The following PID1 variants were observed in gnomAD, a reference collection of about 807,000 sequenced individuals.
PID1 encodes PTB-containing, cubilin and LRP1-interacting protein.
Under a neutral mutation model 19.1 loss-of-function variants are expected in PID1, and 10 were observed. The observed-to-expected ratio is 0.52, with a 90% CI of 0.32 to 0.89. The LOEUF is 0.89. PID1 is among the 40% of genes least tolerant of loss of function. The pLI is 0.03. For missense variants in PID1, 248 were observed against 285.3 expected (o/e 0.87, Z 0.94); for synonymous variants, 130 against 116.0 (o/e 1.12, Z -0.78).
intron 2 of PID1, among the ~76,000 whole-genome samples, chr2:229,113,511 T>C (rs1574639076): frequency 2.2e-5 from 3 of 135,066 alleles, no homozygotes; most frequent in African/African-American, 8.2e-5. Context: ...TGTGTATACA[T>C]ATATATATAT....
intron 1 of PID1, chr2:229,232,068 T>C: frequency 6.5e-7 from 1 of 1,530,674 alleles, no homozygotes; most frequent in Non-Finnish European, 8.8e-7. Flanking sequence ...ACGAAGCCTC[T>C]TGTACAAGGC....
At chr2:229,050,840 AAAC>A (rs1194335268) in intron 2 of PID1, among the ~76,000 whole-genome samples, 2 of 108,032 alleles carry the variant, frequency 1.9e-5, no homozygotes, top group East Asian at 3.6e-4. Flanking sequence ...AACAAAACAA[AAAC>A]AACAAGAACA....
At chr2:229,059,774 C>A (rs141424689) in intron 2 of PID1, among the ~76,000 whole-genome samples, 1 of 152,154 alleles carries the variant, frequency 6.6e-6, no homozygotes. Flanking sequence ...CCTCACCTTG[C>A]GACATCCCCC....
intron 2 of PID1, among the ~76,000 whole-genome samples, chr2:229,093,547 C>A (rs1303701827): frequency 3.3e-5 from 5 of 152,188 alleles, no homozygotes; most frequent in Admixed American, 6.5e-5. Context: ...CAGAGTTCAG[C>A]TGGGAGTCTG....
intron 2 of PID1, among the ~76,000 whole-genome samples, chr2:229,051,017 A>C (rs561905083): frequency 6.6e-6 from 1 of 152,342 alleles, no homozygotes; most frequent in East Asian, 1.9e-4. Context: ...AGGCCAGTTG[A>C]AAAGGTGATA....
chr2:229,200,074 TGAA>T, intron 1 of PID1, among the ~76,000 whole-genome samples: 1 of 151,914 alleles, frequency 6.6e-6, no homozygotes, highest in Admixed American at 6.6e-5. Context: ...TAAGAGAACT[TGAA>T]GAAGGCAATT....
At chr2:229,251,135 A>G (rs1690139406) in intron 1 of PID1, among the ~76,000 whole-genome samples, 1 of 152,212 alleles carries the variant, frequency 6.6e-6, no homozygotes, top group African/African-American at 2.4e-5. Context: ...CGACCCACAC[A>G]TAGTACTTTG....
intron 2 of PID1, among the ~76,000 whole-genome samples, chr2:229,059,819 GCA>G (rs984124276): frequency 2.0e-5 from 3 of 152,054 alleles, no homozygotes; most frequent in Non-Finnish European, 4.4e-5. Flanking sequence ...TATTTACAGA[GCA>G]CAGACCATGT....
chr2:229,074,222 G>C (rs899106949), intron 2 of PID1, among the ~76,000 whole-genome samples: 2 of 152,086 alleles, frequency 1.3e-5, no homozygotes, highest in African/African-American at 4.8e-5. Context: ...TAAGATATTT[G>C]ATTTCTGTCA....
At position 229,101,289 on chromosome 2, in the gene PID1, G is replaced by A. The variant is rs142386171; in HGVS notation, c.177+54529C>T. On this transcript the variant is annotated intron_variant, in intron 2 of 2. Coordinates refer to ENST00000392055, the MANE Select transcript of PID1 (RefSeq NM_001100818.2). ...GTGCAGGTTTGTTACATAGGTAAAC[G>A]TGTGCCATGGTGGTTTGCTGCACTT... 2.5e-3 allele frequency among the ~76,000 whole-genome samples: 374 copies of A among 152,246 alleles called. 2 individuals are homozygous for A. The highest frequency in any genetic ancestry group is 8.4e-3 in the African/African-American group (350 of 41,534).
intron 1 of PID1, among the ~76,000 whole-genome samples, chr2:229,231,038 C>T (rs1692194398): frequency 6.6e-6 from 1 of 152,064 alleles, no homozygotes; most frequent in Admixed American, 6.5e-5. Context: ...AGCCATGAAG[C>T]AACCACAGCC....
chr2:229,074,229 G>A (rs1694513074), intron 2 of PID1, among the ~76,000 whole-genome samples: 1 of 152,090 alleles, frequency 6.6e-6, no homozygotes, highest in Non-Finnish European at 1.5e-5. Context: ...TTTGATTTCT[G>A]TCAACAGATA....
At chr2:229,184,289 CAT>C (rs200793119) in intron 1 of PID1, among the ~76,000 whole-genome samples, 17,443 of 106,912 alleles carry the variant, frequency 0.16, 8,684 homozygotes, top group South Asian at 0.38. Context: ...ATATATATCC[CAT>C]ATATATATCC....
intron 1 of PID1, among the ~76,000 whole-genome samples, chr2:229,221,997 G>C (rs1297820585): frequency 6.6e-6 from 1 of 152,134 alleles, no homozygotes; most frequent in Non-Finnish European, 1.5e-5. Flanking sequence ...CTCACTTCCT[G>C]CCTAGACCAT....
rs917546008 is a variant in PID1, at chr2:229,232,016, G to A, written c.30+38998C>T. Reference sequence around the variant, plus strand: ...AGCACTTGGAAGGAAGGAATGCTGTGTCCTCACACAGTGGAAGGCTAAGGG... The same window carrying A: ...AGCACTTGGAAGGAAGGAATGCTGTATCCTCACACAGTGGAAGGCTAAGGG... On this transcript the variant is annotated intron_variant, in intron 1 of 2. Coordinates refer to ENST00000392055, the MANE Select transcript of PID1 (RefSeq NM_001100818.2). 2.2e-5 allele frequency: 34 copies of A among 1,549,998 alleles called. No homozygotes were observed. The African/African-American group carries it at 4.5e-4, about 21-fold the overall frequency.
At chr2:229,219,332 C>T (rs930551721) in intron 1 of PID1, among the ~76,000 whole-genome samples, 3 of 152,116 alleles carry the variant, frequency 2.0e-5, no homozygotes, top group African/African-American at 7.2e-5. Flanking sequence ...GGGCAGCAAA[C>T]ATGTCCTTCT....
chr2:229,213,399 A>T (rs1433229440), intron 1 of PID1, among the ~76,000 whole-genome samples: 2 of 152,196 alleles, frequency 1.3e-5, no homozygotes, highest in Middle Eastern at 3.2e-3. Flanking sequence ...TACATCACTC[A>T]TCTGCATCCA....
chr2:229,142,439 G>A (rs548202005), intron 2 of PID1, among the ~76,000 whole-genome samples: 8 of 152,144 alleles, frequency 5.3e-5, no homozygotes, highest in East Asian at 1.9e-4. Flanking sequence ...ACATTCAGTC[G>A]TAAATGGAAA....
chr2:229,057,307 G>T (rs138727060), intron 2 of PID1, among the ~76,000 whole-genome samples: 243 of 151,912 alleles, frequency 1.6e-3, no homozygotes, highest in African/African-American at 5.3e-3. Flanking sequence ...CACGATCGTG[G>T]GTGCCTGTAA....
Sources: gnomAD v4.1 joint callset for allele counts (sites outside exome capture counted in the v4.1 genomes callset) on GRCh38, gnomAD v4.1.1 for gene constraint, MANE v1.5 for transcripts, NCBI Gene and HGNC (gene_info 2026-07-23, HGNC 2026-07-21) for gene names.